CUBN: variants seen among roughly 807,000 people sequenced by gnomAD.
CUBN encodes the protein cubilin, also known as 460 kDa receptor.
In CUBN, 282 loss-of-function variants were observed where a neutral mutation model predicts 405.3. That is an observed-to-expected ratio of 0.70 (90% CI 0.63 to 0.77). The LOEUF is 0.77. Ranked by LOEUF, CUBN falls within the 30% of genes least tolerant of loss-of-function variation. The probability of loss-of-function intolerance (pLI) is 0.00; values close to 1 mark genes in which losing one functional copy is unlikely to be tolerated. For missense variants in CUBN, 4,514 were observed against 4,475.2 expected (o/e 1.01, Z -0.25); for synonymous variants, 1,684 against 1,617.0 (o/e 1.04, Z -0.99).
In CUBN at chr10:16,914,008, A is replaced by C; in HGVS notation, c.7352-16T>G. 2 of 1,613,516 alleles carry C rather than the reference A, an allele frequency of 1.2e-6. No individual in the cohort carries two copies. The highest frequency in any genetic ancestry group is 1.7e-6 in the Non-Finnish European group (2 of 1,179,852). ...CCACCACACTCTGACGTGGGGAAAA[A>C]GCCAAGAAAACTTTCAATCAAATCA... On this transcript the variant is annotated splice_polypyrimidine_tract_variant and intron_variant, in intron 47 of 66. Transcript: ENST00000377833.
At chr10:16,910,391 T>C (rs1212565102) in intron 48 of CUBN, among the ~76,000 whole-genome samples, 4 of 152,160 alleles carry the variant, frequency 2.6e-5, no homozygotes, top group Non-Finnish European at 4.4e-5. Context: ...AAAATAAACA[T>C]TGAACATATA....
At chr10:17,063,774 T>C (rs1401416885) in intron 22 of CUBN, among the ~76,000 whole-genome samples, 3 of 152,206 alleles carry the variant, frequency 2.0e-5, no homozygotes, top group Non-Finnish European at 4.4e-5. Context: ...CTGTATTATA[T>C]GTTATCTAAG....
chr10:16,921,034 C>T (rs576233126), intron 43 of CUBN, among the ~76,000 whole-genome samples: 41 of 152,300 alleles, frequency 2.7e-4, no homozygotes, highest in Non-Finnish European at 4.9e-4. Context: ...ATACCAACTC[C>T]GTGGTTGTGT....
intron 10 of CUBN, among the ~76,000 whole-genome samples, chr10:17,106,047 G>A (rs533724673): frequency 6.6e-6 from 1 of 152,338 alleles, no homozygotes; most frequent in East Asian, 1.9e-4. Flanking sequence ...CAGTTTGGGA[G>A]GCTGAGGAGG....
At chr10:17,009,776 C>G (rs561739070) in intron 28 of CUBN, among the ~76,000 whole-genome samples, 1 of 152,232 alleles carries the variant, frequency 6.6e-6, no homozygotes, top group Non-Finnish European at 1.5e-5. Flanking sequence ...ACTGAGAACA[C>G]TCTCCAGGGC....
intron 6 of CUBN, chr10:17,122,130 A>C (rs564564619): frequency 1.3e-5 from 2 of 154,394 alleles, no homozygotes; most frequent in African/African-American, 4.8e-5. Context: ...AGAGGCCCTG[A>C]GATGCCTCAC....
chr10:17,122,972 G>A (rs1351176970), intron 5 of CUBN, 74 bp from the exon 6 acceptor site: 19 of 1,008,464 alleles, frequency 1.9e-5, no homozygotes, highest in Non-Finnish European at 2.9e-5. Flanking sequence ...CACATGATAC[G>A]TTTAAGGATT....
chr10:17,045,778 A>G (rs1835118888), intron 24 of CUBN, among the ~76,000 whole-genome samples, 156 bp downstream of exon 24: 1 of 152,232 alleles, frequency 6.6e-6, no homozygotes, highest in Non-Finnish European at 1.5e-5. Context: ...TCTGTTAAAA[A>G]GAAATGGCTG....
chr10:17,091,912 C>T (rs751367945), intron 14 of CUBN, among the ~76,000 whole-genome samples: 10 of 152,102 alleles, frequency 6.6e-5, no homozygotes, highest in South Asian at 2.1e-4. Flanking sequence ...AACAATGGGC[C>T]ACTCTGCCTA....
At chr10:17,019,792 A>G (rs1335757680) in intron 28 of CUBN, 41 bp downstream of exon 28, 2 of 1,613,800 alleles carry the variant, frequency 1.2e-6, no homozygotes, top group Admixed American at 1.7e-5. Flanking sequence ...TCTTGGCCAA[A>G]TAGCAACTGC....
chr10:17,127,431 ATTTTTTTT>A (rs71268608), intron 3 of CUBN, among the ~76,000 whole-genome samples: 5 of 85,924 alleles, frequency 5.8e-5, no homozygotes, highest in African/African-American at 2.3e-4. Context: ...ATGCCCAGCT[ATTTTTTTT>A]TTTTTTTTTT....
intron 28 of CUBN, among the ~76,000 whole-genome samples, chr10:16,999,705 G>A (rs139187245): frequency 8.1e-4 from 124 of 152,300 alleles, no homozygotes; most frequent in African/African-American, 2.9e-3. Context: ...GAGAAAACAT[G>A]TTCTCTGTAG....
In CUBN at chr10:16,940,079, G is replaced by A; in HGVS notation, c.5501C>T (p.Ser1834Leu). The change falls in exon 37 of 67, where the codon TCA (serine) becomes TTA (leucine). Residue 1834 changes from serine to leucine, a missense_variant. Physicochemically the swap from Ser to Leu is moderately radical, Grantham distance 145. This residue lies in a region of CUBN where 1,613 missense variants were observed against 1,542.8 expected (regional missense o/e 1.05). Coordinates refer to ENST00000377833, the MANE Select transcript of CUBN (RefSeq NM_001081.4). Reference protein sequence around the residue: ...VGHTLWVRFISDGSGSGTGFQ... With the variant: ...VGHTLWVRFILDGSGSGTGFQ... ...GCCCGTGCCGCTGCCAGAACCATCT[G>A]AGATAAATCTGACCCACAGGGTATG... 1.2e-6 allele frequency: 2 copies of A among 1,614,110 alleles called. No homozygotes were observed. The highest frequency in any genetic ancestry group is 2.2e-5 in the South Asian group (2 of 91,074).
intron 31 of CUBN, among the ~76,000 whole-genome samples, chr10:16,958,678 A>G (rs1017599468): frequency 2.6e-5 from 4 of 152,334 alleles, no homozygotes; most frequent in Middle Eastern, 6.8e-3. Context: ...GGCAAGTGCT[A>G]AGCTATTAAA....
intron 44 of CUBN, among the ~76,000 whole-genome samples, chr10:16,919,498 T>C (rs976208749): frequency 3.3e-5 from 5 of 152,242 alleles, no homozygotes; most frequent in African/African-American, 1.2e-4. Flanking sequence ...CTTTCAGAAC[T>C]CTTATTAAAT....
chr10:16,829,088 G>T, intron 65 of CUBN, 48 bp from the exon 66 acceptor site: 1 of 1,421,990 alleles, frequency 7.0e-7, no homozygotes, highest in Non-Finnish European at 9.9e-7. Flanking sequence ...CATATAAGCC[G>T]TCCAGTCTGG....
intron 31 of CUBN, among the ~76,000 whole-genome samples, chr10:16,979,140 G>A (rs970807046): frequency 3.3e-5 from 5 of 152,176 alleles, no homozygotes; most frequent in African/African-American, 1.2e-4. Context: ...TACAAGGGAT[G>A]TGAAGGATCT....
rs147360116 is a variant in CUBN at position 16,845,010 on chromosome 10, A to G, written c.9664-3963T>C. 6.8e-3 allele frequency among the ~76,000 whole-genome samples: 1,040 copies of G among 152,310 alleles called. 9 individuals are homozygous for G. Among genetic ancestry groups the G allele is most frequent in the African/African-American group, 0.024 (982 of 41,556 alleles). On this transcript the variant is annotated intron_variant, in intron 60 of 66. Coordinates refer to ENST00000377833, the MANE Select transcript of CUBN (RefSeq NM_001081.4). ...GTGGATGTGGGTAAGTGCTGAGAAG[A>G]ATGTTATATTTTCTCAACTTTTAGA...
chr10:16,998,425 G>A lies in CUBN; in HGVS notation c.4169-7910C>T, dbSNP rs562757806. ...AGCCAAAGACAGCCATCAATCAACA[G>A]AAGCTAGAAGCAGCAAGGAAGGGTC... On this transcript the variant is annotated intron_variant, in intron 28 of 66. Transcript: ENST00000377833. 6.6e-5 allele frequency among the ~76,000 whole-genome samples: 10 copies of A among 150,674 alleles called. No homozygotes were observed. In the East Asian group the frequency reaches 1.9e-3, roughly 29 times the overall value.
Sources: allele counts gnomAD v4.1 joint callset (sites outside exome capture counted in the v4.1 genomes callset), GRCh38; gene constraint gnomAD v4.1.1; regional missense constraint gnomAD v4.1.1; transcripts MANE v1.5; gene names NCBI Gene and HGNC (gene_info 2026-07-23, HGNC 2026-07-21).